Variants in PPP1R13B observed in about 807,000 individuals in gnomAD.
PPP1R13B encodes protein phosphatase 1 regulatory subunit 13B.
A neutral mutation model predicts 119.8 loss-of-function variants in PPP1R13B; 44 were observed. That is an observed-to-expected ratio of 0.37 (90% confidence interval 0.29 to 0.47). The LOEUF is 0.47. Among genes scored for constraint, PPP1R13B ranks in the 20% least tolerant of loss-of-function variants. PPP1R13B has a pLI of 0.99. For synonymous variants in PPP1R13B, 542 were observed against 561.5 expected, an observed-to-expected ratio of 0.97 and a Z score of 0.49; for missense variants, 1,227 against 1,413.5, an observed-to-expected ratio of 0.87 and a Z score of 2.12.
intron 3 of PPP1R13B, among the ~76,000 whole-genome samples, chr14:103,779,305 T>A (rs1010396711): frequency 6.6e-6 from 1 of 151,702 alleles, no homozygotes; most frequent in Non-Finnish European, 1.5e-5. Context: ...AGACCCTGTT[T>A]AAAAAAAATA....
chr14:103,824,982 T>C (rs2086503245), intron 1 of PPP1R13B, among the ~76,000 whole-genome samples: 1 of 152,170 alleles, frequency 6.6e-6, no homozygotes, highest in African/African-American at 2.4e-5. Context: ...GTGGCAACCC[T>C]GTGTCAAGCA....
chr14:103,750,459 A>T (rs938290866), intron 7 of PPP1R13B, among the ~76,000 whole-genome samples: 4 of 152,242 alleles, frequency 2.6e-5, no homozygotes, highest in African/African-American at 7.2e-5. Flanking sequence ...AGCTGTCTTA[A>T]ACTTTCGGAT....
intron 1 of PPP1R13B, 83 bp downstream of exon 1, chr14:103,847,216 G>A: frequency 6.6e-6 from 7 of 1,065,426 alleles, no homozygotes; most frequent in Non-Finnish European, 8.0e-6. Context: ...CGGCCCGCGG[G>A]GGCTGGGAGC....
At chr14:103,792,713 C>T (rs2085653156) in intron 2 of PPP1R13B, among the ~76,000 whole-genome samples, 1 of 151,904 alleles carries the variant, frequency 6.6e-6, no homozygotes, top group Non-Finnish European at 1.5e-5. Context: ...TTTAAGGCTG[C>T]AGTGAGCTAT....
Position 103,750,065 on chromosome 14 carries a change from G to C in PPP1R13B, c.829-131C>G, listed in dbSNP as rs1024887852. 1.7e-5 allele frequency: 16 copies of C among 932,266 alleles called. No individual in the cohort carries two copies. In the Admixed American group the frequency reaches 3.5e-4, roughly 21 times the overall value. 57.7% of individuals were successfully genotyped at this position (932,266 alleles called of 1,614,324 possible). On this transcript the variant is annotated intron_variant, in intron 7 of 16. Transcript: ENST00000202556. The stretch of plus-strand genomic sequence containing the variant: ...ATTTACATGCATGCACTGCCACCTT[G>C]TGTGGAATATTTCACAGGTACAGCA...
Position 103,810,637 on chromosome 14 carries a change from TGG to T in PPP1R13B, c.10-13121_10-13120del, listed in dbSNP as rs1322633298. On this transcript the variant is annotated intron_variant, in intron 1 of 16. Coordinates refer to ENST00000202556, the MANE Select transcript of PPP1R13B (RefSeq NM_015316.3). ...AATACAAAACATTAGCTGGGCGTGG[TGG>T]TGGGCGCCTGTAGTCCCAGCTACTC... 8.8e-4 allele frequency among the ~76,000 whole-genome samples: 134 copies of T among 151,532 alleles called. 3 individuals are homozygous for T. The East Asian group carries it at 0.021, about 23-fold the overall frequency.
At chr14:103,772,676 T>C (rs1037849539) in intron 4 of PPP1R13B, among the ~76,000 whole-genome samples, 10 of 98,482 alleles carry the variant, frequency 1.0e-4, no homozygotes, top group Admixed American at 5.5e-4. Context: ...TTTCTTTTTC[T>C]TTTTTTTTTT....
At chr14:103,826,811 A>G (rs1284917971) in intron 1 of PPP1R13B, among the ~76,000 whole-genome samples, 3 of 151,672 alleles carry the variant, frequency 2.0e-5, no homozygotes, top group Non-Finnish European at 4.4e-5. Flanking sequence ...GATAGAGACC[A>G]TCCTGGCTAA....
In PPP1R13B at chr14:103,740,720, T is replaced by C. The variant is rs1205180816; in HGVS notation, c.1823-127A>G. ...TATACATCTGCTGCTGTTATTCAATTCTCATTTCAAATCTCTGAGGAAACC... is the reference window on the plus strand; with the variant it reads ...TATACATCTGCTGCTGTTATTCAATCCTCATTTCAAATCTCTGAGGAAACC... On this transcript the variant is annotated intron_variant, in intron 11 of 16. Transcript: ENST00000202556. This position sits in a 1 kb window ranked among gnomAD's most constrained non-coding sequence, Gnocchi z 4.6. 2.4e-6 allele frequency: 2 copies of C among 821,962 alleles called. No individual in the cohort carries two copies. The highest frequency in any genetic ancestry group is 3.5e-5 in the African/African-American group (2 of 57,262). 50.9% of individuals were successfully genotyped at this position (821,962 alleles called of 1,614,324 possible).
Position 103,784,904 on chromosome 14 carries a change from T to C in PPP1R13B, c.168A>G (p.Ile56Met), listed in dbSNP as rs1387639105. The change falls in exon 3 of 17, where the codon ATA becomes ATG. Residue 56 changes from isoleucine (I) to methionine (M), a missense_variant. Physicochemically the swap from Ile to Met is conservative, Grantham distance 10 (BLOSUM62 1). Coordinates refer to ENST00000202556, the MANE Select transcript of PPP1R13B (RefSeq NM_015316.3). Reference protein sequence around the residue: ...AEVWRGNERPIPFDHMMYEHL... With the variant: ...AEVWRGNERPMPFDHMMYEHL... ...GTTCGTACATCATATGATCAAAGGG[T>C]ATGGGACGTTCTAGGAAAAAGACCA... 2 of 1,572,820 alleles carry C rather than the reference T, an allele frequency of 1.3e-6. No homozygotes were observed. The highest frequency in any genetic ancestry group is 1.1e-5 in the South Asian group (1 of 87,504).
intron 16 of PPP1R13B, 49 bp from the exon 17 acceptor site, chr14:103,735,244 C>T (rs2084068767): frequency 1.2e-6 from 2 of 1,600,782 alleles, no homozygotes; most frequent in East Asian, 4.5e-5. Flanking sequence ...ACACAGGGAG[C>T]AGGGCCAGCC....
intron 4 of PPP1R13B, among the ~76,000 whole-genome samples, chr14:103,769,359 G>A (rs981880751): frequency 1.3e-5 from 2 of 152,072 alleles, no homozygotes; most frequent in Non-Finnish European, 2.9e-5. Flanking sequence ...CCAAAGTGCT[G>A]GGATTACAGG....
intron 2 of PPP1R13B, among the ~76,000 whole-genome samples, chr14:103,791,791 G>GC (rs1339299879): frequency 2.6e-5 from 4 of 152,114 alleles, no homozygotes; most frequent in Non-Finnish European, 5.9e-5. Flanking sequence ...TTTGAAAGTA[G>GC]CATTTTTTTA....
At chr14:103,751,347 G>A (rs186203937) in intron 7 of PPP1R13B, among the ~76,000 whole-genome samples, 4 of 152,262 alleles carry the variant, frequency 2.6e-5, no homozygotes, top group African/African-American at 9.6e-5. Flanking sequence ...ATGCATTTAC[G>A]TTAAAGAACT....
chr14:103,844,916 C>T (rs556333055), intron 1 of PPP1R13B, among the ~76,000 whole-genome samples: 84 of 152,256 alleles, frequency 5.5e-4, no homozygotes, highest in African/African-American at 2.0e-3. Flanking sequence ...TCACCGGATT[C>T]ACACCAGATT....
At position 103,797,482 on chromosome 14, in the gene PPP1R13B, T is replaced by A; in HGVS notation, c.46A>T (p.Ile16Phe). 1 of 1,613,702 alleles carries A rather than the reference T, an allele frequency of 6.2e-7. No individual in the cohort carries two copies. Among genetic ancestry groups the A allele is most frequent in the Non-Finnish European group, 8.5e-7 (1 of 1,179,666 alleles). ...LTVFLSNNEQ[I>F]LTEVPITPET... is the part of the protein sequence containing the mutation. ...GGTGTTATAGGAACTTCTGTTAAAA[T>A]CTGTTCATTGTTGCTCAAGAAAACA... The change falls in exon 2 of 17, where the codon ATT becomes TTT. Residue 16 changes from isoleucine to phenylalanine, a missense_variant. Coordinates refer to ENST00000202556, the MANE Select transcript of PPP1R13B (RefSeq NM_015316.3).
intron 6 of PPP1R13B, among the ~76,000 whole-genome samples, chr14:103,753,511 G>A (rs780953801): frequency 1.3e-5 from 2 of 152,146 alleles, no homozygotes; most frequent in African/African-American, 2.4e-5. Flanking sequence ...AGCCTCTCTC[G>A]TGCATCACTG....
chr14:103,826,140 G>C (rs769120643), intron 1 of PPP1R13B, among the ~76,000 whole-genome samples: 3 of 152,152 alleles, frequency 2.0e-5, no homozygotes, highest in Non-Finnish European at 4.4e-5. Flanking sequence ...GCCTCCCAAA[G>C]TGTTGGGATT....
intron 16 of PPP1R13B, 152 bp downstream of exon 16, chr14:103,735,851 G>C: frequency 1.2e-6 from 1 of 839,240 alleles, no homozygotes; most frequent in Non-Finnish European, 1.9e-6. Flanking sequence ...CCTCATGCCA[G>C]CTCTGCCAAG....
Sources: gnomAD v4.1 joint callset for allele counts (sites outside exome capture counted in the v4.1 genomes callset) on GRCh38, gnomAD v4.1.1 for gene constraint, Gnocchi (gnomAD v3.1) non-coding constraint, MANE v1.5 for transcripts, NCBI Gene and HGNC (gene_info 2026-07-23, HGNC 2026-07-21) for gene names.